Variants in GLIS3 observed in about 807,000 individuals in gnomAD.
GLIS3 encodes zinc finger protein GLIS3.
A neutral mutation model predicts 78.6 loss-of-function variants in GLIS3; 53 were observed. That is an observed-to-expected ratio of 0.67 (90% CI 0.54 to 0.85). The LOEUF (loss-of-function observed/expected upper bound fraction) is 0.85, where lower values mean the gene tolerates loss of function less well. GLIS3 is among the 40% of genes least tolerant of loss of function. The probability of loss-of-function intolerance (pLI) is 0.00; values close to 1 mark genes in which losing one functional copy is unlikely to be tolerated. For missense variants in GLIS3, 1,703 were observed against 1,231.1 expected (o/e 1.38, Z -5.74); for synonymous variants, 684 against 509.9 (o/e 1.34, Z -4.60).
the GLIS3 span, among the ~76,000 whole-genome samples, chr9:4,432,802 G>A: frequency 5.3e-5 from 8 of 151,742 alleles, no homozygotes; most frequent in African/African-American, 1.9e-4. Flanking sequence ...CACCACGCCC[G>A]GCTAATTTTT....
chr9:4,295,988 T>C (rs539639593), intron 1 of GLIS3, among the ~76,000 whole-genome samples: 27 of 152,132 alleles, frequency 1.8e-4, no homozygotes, highest in Admixed American at 3.3e-4. Flanking sequence ...TGATAGTCTA[T>C]GAACCAACCA....
At chr9:4,174,344 T>C (rs1181296532) in intron 2 of GLIS3, among the ~76,000 whole-genome samples, 2 of 152,144 alleles carry the variant, frequency 1.3e-5, no homozygotes, top group African/African-American at 2.4e-5. Context: ...AAGGAAAATA[T>C]ACAAACAGAT....
chr9:4,126,018 T>C lies in GLIS3; in HGVS notation c.389-77A>G, dbSNP rs1832548518. Reference sequence around the variant, plus strand: ...GTAAATACAGACATGTGCACGCTTATATCAGGACCCATCTTTAGAGACAGT... The same window carrying C: ...GTAAATACAGACATGTGCACGCTTACATCAGGACCCATCTTTAGAGACAGT... On this transcript the variant is annotated intron_variant, in intron 2 of 10. Transcript: ENST00000381971. 9.1e-6 allele frequency: 10 copies of C among 1,100,560 alleles called. No individual in the cohort carries two copies. In the East Asian group the frequency reaches 2.4e-4, roughly 26 times the overall value. 68.2% of individuals were successfully genotyped at this position (1,100,560 alleles called of 1,614,324 possible).
At chr9:4,454,846 G>T in the GLIS3 span, among the ~76,000 whole-genome samples, 1 of 152,108 alleles carries the variant, frequency 6.6e-6, no homozygotes, top group Non-Finnish European at 1.5e-5. Context: ...TGAAGTAGGG[G>T]ATCTCACAAA....
the GLIS3 span, among the ~76,000 whole-genome samples, chr9:4,479,849 C>T: frequency 2.0e-5 from 3 of 151,754 alleles, no homozygotes; most frequent in African/African-American, 4.9e-5. Flanking sequence ...CATCGCTTCT[C>T]CTGTCTCCCT....
chr9:3,839,509 C>T (rs546046199), intron 9 of GLIS3, among the ~76,000 whole-genome samples: 1 of 151,908 alleles, frequency 6.6e-6, no homozygotes, highest in East Asian at 1.9e-4. Flanking sequence ...GGCATTGCCC[C>T]AGGTGTTTTA....
chr9:4,332,162 T>C (rs1037185226), intron 2 of GLIS3, among the ~76,000 whole-genome samples: 5 of 152,216 alleles, frequency 3.3e-5, no homozygotes, highest in Admixed American at 1.3e-4. Flanking sequence ...TATCTAAATT[T>C]CTTGAAGTGG....
rs12338360 is a variant in GLIS3, at chr9:4,244,331, T to C, written c.388+41707A>G. On this transcript the variant is annotated intron_variant, in intron 2 of 10. Coordinates refer to ENST00000381971, the MANE Select transcript of GLIS3 (RefSeq NM_001042413.2). ...GTACTTCAGCTCCTAACAATTGACT[T>C]GGATACTTACCAAGAGTCATTGTGT... 7.0e-4 allele frequency among the ~76,000 whole-genome samples: 107 copies of C among 152,358 alleles called. 1 individual carries two copies. The highest frequency in any genetic ancestry group is 2.5e-3 in the African/African-American group (103 of 41,582).
the GLIS3 span, among the ~76,000 whole-genome samples, chr9:4,360,544 TTA>T: frequency 1.6e-4 from 25 of 152,228 alleles, no homozygotes; most frequent in African/African-American, 6.0e-4. Context: ...TTTCCGAGGA[TTA>T]TCTCATTTAT....
chr9:4,234,227 T>A (rs761268692), intron 2 of GLIS3, among the ~76,000 whole-genome samples: 1 of 152,254 alleles, frequency 6.6e-6, no homozygotes, highest in African/African-American at 2.4e-5. Context: ...CTTGGCTAAA[T>A]GTTTGACACA....
intron 3 of GLIS3, among the ~76,000 whole-genome samples, chr9:4,309,287 A>G (rs765421250): frequency 6.6e-6 from 1 of 152,240 alleles, no homozygotes; most frequent in Non-Finnish European, 1.5e-5. Flanking sequence ...AGCAAGAAAT[A>G]ATTCAAAAAT....
chr9:4,078,528 G>T (rs1222699008), intron 4 of GLIS3, among the ~76,000 whole-genome samples: 1 of 152,168 alleles, frequency 6.6e-6, no homozygotes, highest in Non-Finnish European at 1.5e-5. Context: ...CAAAACACAG[G>T]AACCACCACA....
chr9:4,472,042 C>G, the GLIS3 span, among the ~76,000 whole-genome samples: 1 of 152,190 alleles, frequency 6.6e-6, no homozygotes, highest in Admixed American at 6.5e-5. Flanking sequence ...AAATGCAAAT[C>G]AAAACCACAA....
At chr9:3,953,633 A>C (rs1397567286) in intron 4 of GLIS3, among the ~76,000 whole-genome samples, 1 of 152,176 alleles carries the variant, frequency 6.6e-6, no homozygotes, top group Non-Finnish European at 1.5e-5. Context: ...AGAGCTGGTA[A>C]TGCATGTTTA....
intron 4 of GLIS3, among the ~76,000 whole-genome samples, chr9:3,946,988 G>A (rs905652706): frequency 2.1e-5 from 3 of 143,190 alleles, no homozygotes; most frequent in Non-Finnish European, 4.8e-5. Context: ...CCACGCCTCT[G>A]TCGGCCATCC....
intron 4 of GLIS3, among the ~76,000 whole-genome samples, chr9:4,017,064 T>G (rs1156689297): frequency 6.6e-6 from 1 of 152,168 alleles, no homozygotes; most frequent in Non-Finnish European, 1.5e-5. Flanking sequence ...AGAAGGGCAG[T>G]TTGGCCTTTA....
chr9:4,242,797 A>G (rs149101629), intron 2 of GLIS3, among the ~76,000 whole-genome samples: 125 of 152,320 alleles, frequency 8.2e-4, no homozygotes, highest in African/African-American at 2.0e-3. Context: ...AAATTTTTAT[A>G]TTATGGGCTG....
intron 2 of GLIS3, among the ~76,000 whole-genome samples, chr9:4,234,667 G>A (rs1822555202): frequency 6.6e-6 from 1 of 152,144 alleles, no homozygotes; most frequent in African/African-American, 2.4e-5. Flanking sequence ...GGAAAAAATA[G>A]TGCCAATGCA....
At chr9:3,914,319 T>A (rs1325972385) in intron 6 of GLIS3, among the ~76,000 whole-genome samples, 1 of 125,400 alleles carries the variant, frequency 8.0e-6, no homozygotes, top group African/African-American at 3.1e-5. Context: ...CTAAGTTTTT[T>A]CAGATTTTTG....
Sources: gnomAD v4.1 joint callset for allele counts (sites outside exome capture counted in the v4.1 genomes callset) on GRCh38, gnomAD v4.1.1 for gene constraint, MANE v1.5 for transcripts, NCBI Gene and HGNC (gene_info 2026-07-23, HGNC 2026-07-21) for gene names.